The following NFASC variants were observed in gnomAD, a reference collection of about 807,000 sequenced individuals.
NFASC encodes neurofascin homolog.
Under a neutral mutation model 147.5 loss-of-function variants are expected in NFASC, and 43 were observed. The ratio of observed to expected loss-of-function variants is 0.29; its 90% confidence interval spans 0.23 to 0.38. The LOEUF (loss-of-function observed/expected upper bound fraction) is 0.38. Among genes scored for constraint, NFASC ranks in the 10% least tolerant of loss-of-function variants. The pLI, the probability that NFASC is intolerant of heterozygous loss-of-function variation, is 1.00. For synonymous variants in NFASC, 622 were observed against 665.5 expected, an observed-to-expected ratio of 0.93 and a Z score of 1.01; for missense variants, 1,320 against 1,689.0, an observed-to-expected ratio of 0.78 and a Z score of 3.83.
chr1:204,968,719 C>T lies in NFASC; in HGVS notation c.819-79C>T, dbSNP rs2095089451. 1.5e-6 allele frequency: 2 copies of T among 1,363,414 alleles called. No individual in the cohort carries two copies. Among genetic ancestry groups the T allele is most frequent in the Non-Finnish European group, 2.0e-6 (2 of 1,001,264 alleles). The allele number at this position is 1,363,414 out of a possible 1,614,324, so 84.5% of individuals were successfully genotyped here. A position where few individuals can be genotyped will look rare whatever the true frequency, so the allele number is the denominator to read the frequency against. ...GGGCCCAAGTATACTTTTAGGCCAC[C>T]TGGGTGTCCCCAGCTGTATAGAAGA... On this transcript the variant is annotated intron_variant, in intron 9 of 29. Transcript: ENST00000339876. This position sits in a 1 kb window ranked among gnomAD's most constrained non-coding sequence, Gnocchi z 5.4.
chr1:204,867,865 C>T (rs2077242391), intron 1 of NFASC, among the ~76,000 whole-genome samples: 1 of 152,196 alleles, frequency 6.6e-6, no homozygotes, highest in South Asian at 2.1e-4. Flanking sequence ...CACCTCACAC[C>T]CTCCTCCAAG....
At chr1:204,996,019 G>A (rs1005193796) in intron 24 of NFASC, among the ~76,000 whole-genome samples, 5 of 152,064 alleles carry the variant, frequency 3.3e-5, no homozygotes, top group African/African-American at 1.2e-4. Flanking sequence ...AGGAGAGGGG[G>A]CTTTGTCTCT....
intron 28 of NFASC, 178 bp from the exon 29 acceptor site, chr1:205,012,619 T>G (rs12086734): frequency 5.6e-4 from 348 of 626,128 alleles, no homozygotes; most frequent in Non-Finnish European, 4.2e-4. Context: ...AGAGTCAACT[T>G]GGCAACTGAT....
At chr1:204,855,744 G>T (rs2076098963) in intron 1 of NFASC, among the ~76,000 whole-genome samples, 1 of 152,088 alleles carries the variant, frequency 6.6e-6, no homozygotes, top group African/African-American at 2.4e-5. Context: ...GGTCTCACCT[G>T]CCCTCCATGC....
In NFASC at chr1:204,954,015, T is replaced by C. The variant is rs187530656; in HGVS notation, c.216-173T>C. Among the ~76,000 whole-genome samples the C allele has an allele frequency of 4.6e-5, 7 of 152,142 alleles. No homozygotes were observed. The highest frequency in any genetic ancestry group is 2.6e-4 in the Admixed American group (4 of 15,290). On this transcript the variant is annotated intron_variant, in intron 5 of 29. Coordinates refer to ENST00000339876, the MANE Select transcript of NFASC (RefSeq NM_001005388.3). This position sits in a 1 kb window ranked among gnomAD's most constrained non-coding sequence, Gnocchi z 5.7. ...CCTGGGACTTTGCATTTTATTGAGC[T>C]CTCCAGATGGTTCTTCTGCTCAGCC... is the stretch of plus-strand genomic sequence containing the variant.
intron 2 of NFASC, among the ~76,000 whole-genome samples, chr1:204,934,384 C>T (rs1249143255): frequency 6.6e-6 from 1 of 152,146 alleles, no homozygotes; most frequent in Non-Finnish European, 1.5e-5. Context: ...TCTGACAGCA[C>T]TGCCAGTTGC....
chr1:204,972,033 G>T lies in NFASC; in HGVS notation c.1136-1243G>T, dbSNP rs181550718. Among the ~76,000 whole-genome samples, 18 of 152,374 alleles carry T rather than the reference G, an allele frequency of 1.2e-4. No homozygotes were observed. In the East Asian group the frequency reaches 2.9e-3, roughly 24 times the overall value. On this transcript the variant is annotated intron_variant, in intron 11 of 29. Coordinates refer to ENST00000339876, the MANE Select transcript of NFASC (RefSeq NM_001005388.3). The stretch of plus-strand genomic sequence containing the variant: ...GCACGAGAATTTGCCAGGCAAGGAG[G>T]TGTACAAGTTTCTGGCATTGCCTTC...
At position 204,973,437 on chromosome 1, in the gene NFASC, A is replaced by G. The variant is rs750004033; in HGVS notation, c.1279+18A>G. 1 of 1,613,816 alleles carries G rather than the reference A, an allele frequency of 6.2e-7. No homozygotes were observed. The highest frequency in any genetic ancestry group is 8.5e-7 in the Non-Finnish European group (1 of 1,179,812). ...TGTGCTGGGTGAGTGTGCCCTTCGC[A>G]GCCTGTTTCCCCCTCCTCTCCACTA... On this transcript the variant is annotated intron_variant, in intron 12 of 29. Coordinates refer to ENST00000339876, the MANE Select transcript of NFASC (RefSeq NM_001005388.3).
rs73077317 is a variant in NFASC, at chr1:204,995,503, C to T, written c.2783-1667C>T. 4.1e-3 allele frequency among the ~76,000 whole-genome samples: 624 copies of T among 152,184 alleles called. 3 individuals are homozygous for T. Among genetic ancestry groups the T allele is most frequent in the African/African-American group, 0.014 (594 of 41,520 alleles). ...AGAGTTGCCCCACCGCTCACCCCTC[C>T]GCACGCCGCCCTGATGTCTGTGGGT... On this transcript the variant is annotated intron_variant, in intron 24 of 29. Coordinates refer to ENST00000339876, the MANE Select transcript of NFASC (RefSeq NM_001005388.3).
At position 204,858,198 on chromosome 1, in the gene NFASC, G is replaced by A. The variant is rs61323579; in HGVS notation, c.-200+29416G>A. Among the ~76,000 whole-genome samples the A allele has an allele frequency of 1.6e-3, 247 of 152,126 alleles. 2 individuals are homozygous for A. Among genetic ancestry groups the A allele is most frequent in the African/African-American group, 5.6e-3 (234 of 41,486 alleles). ...GCCTCCCAAAGTGCTGGGATTATAG[G>A]TGTGAGCCACCGAGGCTGGCCTAAT... On this transcript the variant is annotated intron_variant, in intron 1 of 29. Coordinates refer to ENST00000339876, the MANE Select transcript of NFASC (RefSeq NM_001005388.3).
intron 1 of NFASC, 111 bp downstream of exon 1, chr1:204,828,893 C>T: frequency 1.5e-6 from 1 of 665,568 alleles, no homozygotes; most frequent in Non-Finnish European, 1.9e-6. Context: ...CCTGCCCCCT[C>T]CCCCTCCGTC....
intron 25 of NFASC, 95 bp downstream of exon 25, chr1:204,997,501 GT>G: frequency 7.1e-7 from 1 of 1,406,124 alleles, no homozygotes; most frequent in Non-Finnish European, 9.9e-7. Flanking sequence ...AGGAGGTGGG[GT>G]CTGGGGTGGT....
rs532041622 is a variant in NFASC, at chr1:205,009,996, G to A, written c.3421+308G>A. 3 of 330,702 alleles carry A rather than the reference G, an allele frequency of 9.1e-6. 1 individual carries two copies. The highest frequency in any genetic ancestry group is 9.7e-5 in the South Asian group (2 of 20,536). 20.5% of individuals were successfully genotyped at this position (330,702 alleles called of 1,614,324 possible). A position where few individuals can be genotyped will look rare whatever the true frequency, so the allele number is the denominator to read the frequency against. ...TCACCACCCATCTGTTCTATAAATTGGCTTTTTTTCAGCCTGAATCTCATT... is the reference window on the plus strand; with the variant it reads ...TCACCACCCATCTGTTCTATAAATTAGCTTTTTTTCAGCCTGAATCTCATT... On this transcript the variant is annotated intron_variant, in intron 28 of 29. Coordinates refer to ENST00000339876, the MANE Select transcript of NFASC (RefSeq NM_001005388.3).
chr1:204,912,183 G>A (rs2087713732), intron 1 of NFASC, among the ~76,000 whole-genome samples: 1 of 151,318 alleles, frequency 6.6e-6, no homozygotes. Context: ...GTTTTGGGGT[G>A]GGAGGCTGGC....
intron 1 of NFASC, among the ~76,000 whole-genome samples, chr1:204,903,138 G>A (rs2085036941): frequency 6.6e-6 from 1 of 152,166 alleles, no homozygotes; most frequent in African/African-American, 2.4e-5. Context: ...ACCCCCACAA[G>A]TTTTGACCAA....
intron 1 of NFASC, among the ~76,000 whole-genome samples, chr1:204,899,344 A>C (rs1284855344): frequency 6.6e-6 from 1 of 152,174 alleles, no homozygotes; most frequent in Non-Finnish European, 1.5e-5. Flanking sequence ...CCCAGGGTTT[A>C]TTTGAGGTTT....
chr1:204,955,037 G>C, intron 7 of NFASC, 86 bp downstream of exon 7: 1 of 1,525,044 alleles, frequency 6.6e-7, no homozygotes, highest in Non-Finnish European at 8.9e-7. Context: ...GCTTGCCCAA[G>C]CTAGAAGGCC....
chr1:205,014,838 C>A (rs1396581395), intron 29 of NFASC, among the ~76,000 whole-genome samples: 5 of 152,164 alleles, frequency 3.3e-5, no homozygotes, highest in Admixed American at 6.5e-5. Flanking sequence ...GGATAGAGGG[C>A]CCTGGAAAGG....
At chr1:204,919,878 C>A (rs1310121314) in intron 1 of NFASC, among the ~76,000 whole-genome samples, 1 of 152,196 alleles carries the variant, frequency 6.6e-6, no homozygotes, top group Non-Finnish European at 1.5e-5. Context: ...CTTGGCCTCC[C>A]AAAGTGCTGG....
Sources: allele counts gnomAD v4.1 joint callset (sites outside exome capture counted in the v4.1 genomes callset), GRCh38; gene constraint gnomAD v4.1.1; non-coding constraint Gnocchi (gnomAD v3.1); transcripts MANE v1.5; gene names NCBI Gene and HGNC (gene_info 2026-07-23, HGNC 2026-07-21).